DLG2: variants seen among roughly 807,000 people sequenced by gnomAD.
The protein encoded by DLG2 is disks large homolog 2.
In DLG2, 45 loss-of-function variants were observed where a neutral mutation model predicts 132.5. The observed-to-expected ratio is 0.34, with a 90% CI of 0.27 to 0.44. The LOEUF is 0.44. Ranked by LOEUF, DLG2 falls within the 20% of genes least tolerant of loss-of-function variation. DLG2 has a pLI of 1.00. For missense variants in DLG2, 1,045 were observed against 1,196.9 expected (o/e 0.87, Z 1.87); for synonymous variants, 424 against 419.6 (o/e 1.01, Z -0.13).
chr11:84,685,066 T>C (rs2099736927), intron 6 of DLG2, among the ~76,000 whole-genome samples: 1 of 152,206 alleles, frequency 6.6e-6, no homozygotes, highest in African/African-American at 2.4e-5. Flanking sequence ...ATTACAAGCA[T>C]CCAGGCATTC....
chr11:85,482,500 C>T (rs1361327935), intron 3 of DLG2, among the ~76,000 whole-genome samples: 1 of 152,208 alleles, frequency 6.6e-6, no homozygotes, highest in Non-Finnish European at 1.5e-5. Flanking sequence ...TCTAGGACCA[C>T]CTCTGTGTAC....
At chr11:84,878,764 C>T (rs2086818850) in intron 6 of DLG2, among the ~76,000 whole-genome samples, 1 of 152,110 alleles carries the variant, frequency 6.6e-6, no homozygotes, top group Non-Finnish European at 1.5e-5. Context: ...CAGATCTTCT[C>T]TAACAGAAAA....
intron 6 of DLG2, among the ~76,000 whole-genome samples, chr11:84,863,931 T>A (rs1279914162): frequency 6.6e-6 from 1 of 152,148 alleles, no homozygotes; most frequent in African/African-American, 2.4e-5. Context: ...GGTTTGAGTT[T>A]TTAAAAAAAT....
chr11:85,107,352 C>G (rs1337525074), intron 6 of DLG2, among the ~76,000 whole-genome samples: 1 of 151,962 alleles, frequency 6.6e-6, no homozygotes, highest in African/African-American at 2.4e-5. Context: ...ATAGCCATTT[C>G]TGAGTATACC....
intron 5 of DLG2, among the ~76,000 whole-genome samples, chr11:85,123,875 GGAA>G (rs796160347): frequency 6.8e-4 from 103 of 152,256 alleles, no homozygotes; most frequent in African/African-American, 2.2e-3. Flanking sequence ...ACGCACAAAT[GGAA>G]GAAGAAGCTA....
intron 6 of DLG2, among the ~76,000 whole-genome samples, chr11:84,938,318 T>A (rs2048988505): frequency 6.6e-6 from 1 of 152,102 alleles, no homozygotes; most frequent in South Asian, 2.1e-4. Context: ...TTGATAAGGA[T>A]CATATATATT....
chr11:85,308,918 ATAT>A (rs1372352821), intron 3 of DLG2, among the ~76,000 whole-genome samples: 4 of 152,084 alleles, frequency 2.6e-5, no homozygotes, highest in African/African-American at 7.2e-5. Context: ...ATGGTGGGTA[ATAT>A]TATTATTCAT....
At chr11:84,980,328 G>A (rs1415921560) in intron 6 of DLG2, among the ~76,000 whole-genome samples, 1 of 152,054 alleles carries the variant, frequency 6.6e-6, no homozygotes. Flanking sequence ...TGGTCCTGGT[G>A]GCAGTTCTCA....
At chr11:85,228,769 T>C (rs1159490029) in intron 4 of DLG2, among the ~76,000 whole-genome samples, 2 of 151,814 alleles carry the variant, frequency 1.3e-5, no homozygotes, top group African/African-American at 4.8e-5. Context: ...TTTGATATTT[T>C]AGCCAATATG....
At chr11:83,531,472 A>G (rs1180616540) in intron 21 of DLG2, among the ~76,000 whole-genome samples, 2 of 152,044 alleles carry the variant, frequency 1.3e-5, no homozygotes, top group African/African-American at 4.8e-5. Flanking sequence ...CTTCGTACCA[A>G]CTAAGATGGC....
intron 6 of DLG2, among the ~76,000 whole-genome samples, chr11:84,962,970 G>A (rs992735703): frequency 1.1e-4 from 16 of 152,130 alleles, no homozygotes; most frequent in African/African-American, 3.9e-4. Flanking sequence ...CTATCTTGAA[G>A]TAGTTAGAGA....
intron 7 of DLG2, among the ~76,000 whole-genome samples, chr11:84,405,995 C>T (rs2098847529): frequency 6.6e-6 from 1 of 152,074 alleles, no homozygotes; most frequent in Non-Finnish European, 1.5e-5. Context: ...GAGCAATAGC[C>T]CCCTTCTTGG....
intron 6 of DLG2, among the ~76,000 whole-genome samples, chr11:84,921,846 T>G (rs2092771767): frequency 6.6e-6 from 1 of 152,220 alleles, no homozygotes. Context: ...TTAATTATTT[T>G]TTTCATGTTG....
At chr11:83,995,102 G>A (rs1321566617) in intron 11 of DLG2, among the ~76,000 whole-genome samples, 1 of 151,894 alleles carries the variant, frequency 6.6e-6, no homozygotes, top group Non-Finnish European at 1.5e-5. Context: ...CATAGGAATG[G>A]GGGTTAAGAC....
intron 3 of DLG2, among the ~76,000 whole-genome samples, chr11:85,346,614 A>G (rs1343912004): frequency 6.6e-6 from 1 of 152,190 alleles, no homozygotes; most frequent in African/African-American, 2.4e-5. Flanking sequence ...TTTAGTAAGC[A>G]CTATTAATTT....
chr11:84,986,087 T>A (rs2154122484), intron 6 of DLG2, among the ~76,000 whole-genome samples: 1 of 133,622 alleles, frequency 7.5e-6, no homozygotes, highest in African/African-American at 2.7e-5. Flanking sequence ...GAGATAAAAA[T>A]CCTAATAAGC....
intron 3 of DLG2, among the ~76,000 whole-genome samples, chr11:85,564,074 C>A (rs940029473): frequency 6.6e-6 from 1 of 151,902 alleles, no homozygotes; most frequent in African/African-American, 2.4e-5. Context: ...TGCTTACTTG[C>A]CATTAGAATA....
chr11:84,731,774 G>A lies in DLG2; in HGVS notation c.358-197043C>T, dbSNP rs1309672515. On this transcript the variant is annotated intron_variant, in intron 6 of 27. Coordinates refer to ENST00000376104, the MANE Select transcript of DLG2 (RefSeq NM_001142699.3). ...GAAATATTTTAAAGCAGATTTATTG[G>A]CGTAGAACTGACATAAAATAAACTG... 3.3e-5 allele frequency among the ~76,000 whole-genome samples: 5 copies of A among 151,984 alleles called. No homozygotes were observed. In the East Asian group the frequency reaches 9.6e-4, roughly 29 times the overall value.
intron 6 of DLG2, among the ~76,000 whole-genome samples, chr11:84,623,696 A>G (rs1336119774): frequency 6.6e-6 from 1 of 152,186 alleles, no homozygotes; most frequent in Admixed American, 6.5e-5. Context: ...TGTTTTTAAT[A>G]CAATGCATAC....
Sources: allele counts gnomAD v4.1 joint callset (sites outside exome capture counted in the v4.1 genomes callset), GRCh38; gene constraint gnomAD v4.1.1; transcripts MANE v1.5; gene names NCBI Gene and HGNC (gene_info 2026-07-23, HGNC 2026-07-21).